ZNF469: variants seen among roughly 807,000 people sequenced by gnomAD.
The protein encoded by ZNF469 is zinc finger protein 469.
Under a neutral mutation model 1.0 loss-of-function variants are expected in ZNF469, and 1 was observed. That is an observed-to-expected ratio of 1.00 (90% confidence interval 0.35 to 4.73). The LOEUF is 4.73. Ranked by LOEUF, ZNF469 falls within the 30% of genes most tolerant of loss-of-function variation. The pLI, the probability that ZNF469 is intolerant of heterozygous loss-of-function variation, is 0.16. For missense variants in ZNF469, 6,100 were observed against 5,356.3 expected, an observed-to-expected ratio of 1.14 and a Z score of -4.33; for synonymous variants, 2,703 against 2,363.4, an observed-to-expected ratio of 1.14 and a Z score of -4.17.
the ZNF469 span, among the ~76,000 whole-genome samples, chr16:88,102,598 G>T: frequency 6.6e-6 from 1 of 152,244 alleles, no homozygotes; most frequent in African/African-American, 2.4e-5. Flanking sequence ...GAGCTTCCTG[G>T]CCACCCTTCG....
upstream of ZNF469, among the ~76,000 whole-genome samples, chr16:88,380,482 C>CACACTCACACACA (rs1491539190): frequency 7.3e-6 from 1 of 136,966 alleles, no homozygotes; most frequent in Non-Finnish European, 1.6e-5. Flanking sequence ...CTCACACATA[C>CACACTCACACACA]GTGCACACAC....
chr16:88,431,877 T>C lies in ZNF469; in HGVS notation c.4407T>C (p.Tyr1469=), dbSNP rs1360848422. 1.3e-6 allele frequency: 2 copies of C among 1,549,906 alleles called. No individual in the cohort carries two copies. The highest frequency in any genetic ancestry group is 1.7e-6 in the Non-Finnish European group (2 of 1,146,846). ...TGGACAGATTCGACCCACCCCTCTA[T>C]GGCAGCCTGTCTGCGAACAGGGACT... ...LPVDRFDPPL[Y]GSLSANRDSG... is the part of the protein sequence containing the mutation. Residue 1469 remains tyrosine (Y), a synonymous_variant, in exon 3 of 3, where the codon TAT becomes TAC. Transcript: ENST00000565624.
At chr16:88,328,189 C>T in the ZNF469 span, among the ~76,000 whole-genome samples, 3 of 152,224 alleles carry the variant, frequency 2.0e-5, no homozygotes, top group African/African-American at 7.2e-5. Flanking sequence ...GGCAGACGCA[C>T]GCTATGTCAT....
Position 88,437,494 on chromosome 16 carries a change from T to G in ZNF469, c.10024T>G (p.Cys3342Gly). ...CKDPSRDCHHCGKRFPKPFKL... is the reference protein window; with the variant it reads ...CKDPSRDCHHGGKRFPKPFKL... ...GGACCCCTCCCGCGACTGCCACCAC[T>G]GCGGGAAGCGCTTCCCCAAGCCCTT... Residue 3342 changes from cysteine to glycine, a missense_variant, in exon 3 of 3, where the codon TGC (cysteine) becomes GGC (glycine). Transcript: ENST00000565624. The G allele has an allele frequency of 6.5e-7, 1 of 1,539,968 alleles. No individual in the cohort carries two copies. Among genetic ancestry groups the G allele is most frequent in the Non-Finnish European group, 8.8e-7 (1 of 1,140,190 alleles).
the ZNF469 span, among the ~76,000 whole-genome samples, chr16:88,227,875 C>A: frequency 5.9e-5 from 9 of 152,200 alleles, no homozygotes; most frequent in Non-Finnish European, 1.3e-4. Flanking sequence ...GCAGGTGTAC[C>A]CCGCCAGGCT....
Position 88,431,394 on chromosome 16 carries a change from A to G in ZNF469, c.3924A>G (p.Thr1308=), listed in dbSNP as rs1906171938. ...VGSLLGGPGG[T]QAPVSHNSKD... The stretch of plus-strand genomic sequence containing the variant: ...GCCTGCTGGGTGGTCCTGGGGGCAC[A>G]CAGGCCCCAGTCTCCCACAACAGCA... The change falls in exon 3 of 3, where the codon ACA becomes ACG. Residue 1308 remains threonine, a synonymous_variant. Transcript: ENST00000565624. 6.5e-7 allele frequency: 1 copy of G among 1,550,200 alleles called. No homozygotes were observed. The highest frequency in any genetic ancestry group is 1.4e-5 in the African/African-American group (1 of 73,160).
At chr16:88,374,481 G>A in the ZNF469 span, among the ~76,000 whole-genome samples, 1 of 152,212 alleles carries the variant, frequency 6.6e-6, no homozygotes, top group Non-Finnish European at 1.5e-5. Flanking sequence ...ACATAGCTGG[G>A]GGCCCCGACA....
At chr16:88,111,786 A>G in the ZNF469 span, among the ~76,000 whole-genome samples, 1 of 152,128 alleles carries the variant, frequency 6.6e-6, no homozygotes, top group Non-Finnish European at 1.5e-5. Context: ...ACAGGTGCCC[A>G]CCATCACACC....
At chr16:88,105,033 C>G in the ZNF469 span, among the ~76,000 whole-genome samples, 7 of 152,260 alleles carry the variant, frequency 4.6e-5, no homozygotes, top group Non-Finnish European at 7.4e-5. Context: ...CTGGGCAATA[C>G]AGTGAGACCC....
the ZNF469 span, among the ~76,000 whole-genome samples, chr16:88,143,405 G>A: frequency 1.3e-3 from 195 of 152,306 alleles, 1 homozygote; most frequent in Non-Finnish European, 2.3e-3. Flanking sequence ...GGGGCGCCGA[G>A]CAGGGTGGGG....
chr16:88,347,563 C>G, the ZNF469 span, among the ~76,000 whole-genome samples: 71 of 152,302 alleles, frequency 4.7e-4, no homozygotes, highest in African/African-American at 1.6e-3. Context: ...AGAACTGTGA[C>G]GATAAACTCC....
At position 88,429,752 on chromosome 16, in the gene ZNF469, A is replaced by C. The variant is rs1379451289; in HGVS notation, c.2282A>C (p.Lys761Thr). Reference protein sequence around the residue: ...QFCGLLLARAKDGHQRSPGPP... With the variant: ...QFCGLLLARATDGHQRSPGPP... ...TGTGGCCTGCTCCTGGCCAGGGCCAAGGATGGCCACCAGCGGTCTCCAGGC... is the reference window on the plus strand; with the variant it reads ...TGTGGCCTGCTCCTGGCCAGGGCCACGGATGGCCACCAGCGGTCTCCAGGC... The change falls in exon 3 of 3, where the codon AAG (lysine) becomes ACG (threonine). Residue 761 changes from lysine (K) to threonine (T), a missense_variant. Lys to Thr is a moderately conservative substitution (Grantham distance 78). Transcript: ENST00000565624. The C allele has an allele frequency of 1.3e-6, 2 of 1,544,644 alleles. No individual in the cohort carries two copies. The highest frequency in any genetic ancestry group is 4.9e-5 in the East Asian group (2 of 40,818).
chr16:88,370,202 A>C, the ZNF469 span, among the ~76,000 whole-genome samples: 1 of 152,184 alleles, frequency 6.6e-6, no homozygotes, highest in African/African-American at 2.4e-5. Flanking sequence ...TTTTACACGC[A>C]CCTATTCGGC....
the ZNF469 span, among the ~76,000 whole-genome samples, chr16:88,366,443 C>T: frequency 6.6e-6 from 1 of 150,894 alleles, no homozygotes; most frequent in African/African-American, 2.4e-5. Context: ...ACCACAACCA[C>T]CATCATCACC....
chr16:88,406,133 C>T (rs1002009385), intron 1 of ZNF469, among the ~76,000 whole-genome samples: 3 of 152,224 alleles, frequency 2.0e-5, no homozygotes, highest in East Asian at 1.9e-4. Flanking sequence ...CAGCCAGGCC[C>T]GACGACCTGC....
At chr16:88,309,739 C>T in the ZNF469 span, among the ~76,000 whole-genome samples, 18 of 145,248 alleles carry the variant, frequency 1.2e-4, no homozygotes, top group East Asian at 2.1e-4. Context: ...GGACACCTGG[C>T]GGGGGGGTGC....
chr16:88,343,064 G>C, the ZNF469 span, among the ~76,000 whole-genome samples: 2 of 151,954 alleles, frequency 1.3e-5, no homozygotes, highest in African/African-American at 4.8e-5. Context: ...AAGCATAGGC[G>C]TCCTGTCTCA....
chr16:88,229,934 C>G, the ZNF469 span, among the ~76,000 whole-genome samples: 2 of 152,190 alleles, frequency 1.3e-5, no homozygotes, highest in African/African-American at 2.4e-5. Flanking sequence ...GGGGCGCGCT[C>G]TGTTCTGGAG....
At chr16:88,398,333 C>A (rs1186030462) in intron 1 of ZNF469, among the ~76,000 whole-genome samples, 1 of 152,164 alleles carries the variant, frequency 6.6e-6, no homozygotes, top group East Asian at 1.9e-4. Flanking sequence ...CCACGTGAGC[C>A]ACGGGTGAAG....
Sources: gnomAD v4.1 joint callset for allele counts (sites outside exome capture counted in the v4.1 genomes callset) on GRCh38, gnomAD v4.1.1 for gene constraint, MANE v1.5 for transcripts, NCBI Gene and HGNC (gene_info 2026-07-23, HGNC 2026-07-21) for gene names.